The following TNFAIP8 variants were observed in gnomAD, a reference collection of about 807,000 sequenced individuals.
The protein encoded by TNFAIP8 is tumor necrosis factor alpha-induced protein 8.
TNFAIP8 carries 7 observed loss-of-function variants against 13.3 expected under a neutral mutation model. The ratio of observed to expected loss-of-function variants is 0.52; its 90% CI spans 0.30 to 0.99. The LOEUF is 0.99. TNFAIP8 is among the 50% of genes least tolerant of loss of function. The pLI, the probability that TNFAIP8 is intolerant of heterozygous loss-of-function variation, is 0.07. For synonymous variants in TNFAIP8, 94 were observed against 87.6 expected, an observed-to-expected ratio of 1.07 and a Z score of -0.41; for missense variants, 258 against 236.9, an observed-to-expected ratio of 1.09 and a Z score of -0.58.
At chr5:119,359,893 C>T (rs568682423) in intron 1 of TNFAIP8, among the ~76,000 whole-genome samples, 11 of 152,296 alleles carry the variant, frequency 7.2e-5, no homozygotes, top group East Asian at 5.8e-4. Flanking sequence ...CGGACTTTGA[C>T]GTGCTTATCT....
At chr5:119,345,596 G>T (rs1381998940) in intron 1 of TNFAIP8, among the ~76,000 whole-genome samples, 1 of 152,230 alleles carries the variant, frequency 6.6e-6, no homozygotes, top group Non-Finnish European at 1.5e-5. Context: ...AGTGAGATAA[G>T]CCATCACAAA....
At chr5:119,346,817 G>C (rs1283922467) in intron 1 of TNFAIP8, among the ~76,000 whole-genome samples, 1 of 152,216 alleles carries the variant, frequency 6.6e-6, no homozygotes, top group African/African-American at 2.4e-5. Context: ...GTAGTGCCCT[G>C]AGGTACACTG....
upstream of TNFAIP8, chr5:119,355,854 C>T (rs1007980131): frequency 2.7e-5 from 30 of 1,098,084 alleles, no homozygotes; most frequent in African/African-American, 4.7e-4. Flanking sequence ...CCCGAGCGCG[C>T]GGCTCCGGGG....
At chr5:119,296,093 C>G (rs1231380608) in intron 1 of TNFAIP8, among the ~76,000 whole-genome samples, 2 of 149,176 alleles carry the variant, frequency 1.3e-5, no homozygotes, top group African/African-American at 2.5e-5. Context: ...TTGACTTCCT[C>G]TTTTCCTAAT....
chr5:119,292,727 A>G (rs1378527820), intron 1 of TNFAIP8, among the ~76,000 whole-genome samples: 1 of 142,790 alleles, frequency 7.0e-6, no homozygotes, highest in African/African-American at 2.5e-5. Flanking sequence ...ATAAAAAAGA[A>G]CAAAGTACTG....
intron 1 of TNFAIP8, among the ~76,000 whole-genome samples, chr5:119,382,196 A>G (rs1479149620): frequency 6.6e-6 from 1 of 152,150 alleles, no homozygotes; most frequent in Non-Finnish European, 1.5e-5. Context: ...CTTTTGTGAA[A>G]CTTTCCTCAA....
At chr5:119,370,145 G>C (rs879483037) in intron 1 of TNFAIP8, among the ~76,000 whole-genome samples, 4 of 152,104 alleles carry the variant, frequency 2.6e-5, no homozygotes, top group Non-Finnish European at 5.9e-5. Context: ...CACAGAAGCA[G>C]CTCTCTGTTT....
At chr5:119,312,764 AAAAG>A (rs1749773267) in intron 1 of TNFAIP8, among the ~76,000 whole-genome samples, 1 of 151,602 alleles carries the variant, frequency 6.6e-6, no homozygotes, top group East Asian at 1.9e-4. Context: ...AAAAAAAAAA[AAAAG>A]AATATGAAGA....
chr5:119,314,902 T>A (rs375660469), intron 1 of TNFAIP8, among the ~76,000 whole-genome samples: 359 of 152,292 alleles, frequency 2.4e-3, no homozygotes, highest in African/African-American at 8.4e-3. Context: ...TTATTTATTT[T>A]TTTTCATTAT....
chr5:119,386,389 A>G (rs1219582138), intron 1 of TNFAIP8, among the ~76,000 whole-genome samples: 1 of 152,228 alleles, frequency 6.6e-6, no homozygotes, highest in Non-Finnish European at 1.5e-5. Context: ...TGTATGTAGA[A>G]GAGCCATTTG....
upstream of TNFAIP8, among the ~76,000 whole-genome samples, chr5:119,352,487 C>G (rs1309693837): frequency 6.6e-6 from 1 of 152,134 alleles, no homozygotes; most frequent in Non-Finnish European, 1.5e-5. Flanking sequence ...AGGTCCATAA[C>G]TAGTTTACAG....
chr5:119,337,340 TC>T (rs1352482989), intron 1 of TNFAIP8, among the ~76,000 whole-genome samples: 3 of 152,226 alleles, frequency 2.0e-5, no homozygotes, highest in Non-Finnish European at 4.4e-5. Flanking sequence ...GAGCTTGACA[TC>T]CCACCAGCTT....
chr5:119,292,148 G>A (rs1441038746), intron 1 of TNFAIP8, among the ~76,000 whole-genome samples: 1 of 152,122 alleles, frequency 6.6e-6, no homozygotes, highest in Non-Finnish European at 1.5e-5. Context: ...GGGAGTAGGG[G>A]TGGGAAAGTC....
upstream of TNFAIP8, chr5:119,355,698 C>CT (rs1751369900): frequency 1.7e-5 from 5 of 299,804 alleles, no homozygotes; most frequent in Non-Finnish European, 2.4e-5. Context: ...CTTTTTATAC[C>CT]TTTTTTTCCG....
chr5:119,334,809 T>C (rs1246734932), intron 1 of TNFAIP8, among the ~76,000 whole-genome samples: 1 of 151,968 alleles, frequency 6.6e-6, no homozygotes, highest in African/African-American at 2.4e-5. Context: ...CTGTATGTCA[T>C]TGCATATATA....
chr5:119,333,625 A>T (rs1326097664), intron 1 of TNFAIP8: 1 of 1,535,210 alleles, frequency 6.5e-7, no homozygotes, highest in Non-Finnish European at 8.7e-7. Flanking sequence ...GAAAATGCTG[A>T]AACTAGGTGA....
chr5:119,366,088 AG>A (rs370548525), intron 1 of TNFAIP8, among the ~76,000 whole-genome samples: 240 of 151,854 alleles, frequency 1.6e-3, no homozygotes, highest in African/African-American at 5.4e-3. Flanking sequence ...AGAGCCTCCG[AG>A]GGAAGAAGTA....
intron 1 of TNFAIP8, among the ~76,000 whole-genome samples, chr5:119,325,666 T>G (rs553613055): frequency 1.3e-3 from 192 of 152,318 alleles, no homozygotes; most frequent in Middle Eastern, 6.8e-3. Flanking sequence ...GCCAGGATGG[T>G]CTTGATCTCC....
At position 119,341,705 on chromosome 5, in the gene TNFAIP8, T is replaced by A. The variant is rs182578940; in HGVS notation, c.2-51111T>A. 3.6e-4 allele frequency among the ~76,000 whole-genome samples: 55 copies of A among 151,220 alleles called. 1 individual carries two copies. The highest frequency in any genetic ancestry group is 2.2e-3 in the Admixed American group (34 of 15,180). On this transcript the variant is annotated intron_variant, in intron 1 of 1. Transcript: ENST00000274456. The stretch of plus-strand genomic sequence containing the variant: ...AGAAATCATATCTTCACGGAAGTCA[T>A]TTTTTTTTGGTTCCTGGCCTTTAGG...
Sources: gnomAD v4.1 joint callset for allele counts (sites outside exome capture counted in the v4.1 genomes callset) on GRCh38, gnomAD v4.1.1 for gene constraint, MANE v1.5 for transcripts, NCBI Gene and HGNC (gene_info 2026-07-23, HGNC 2026-07-21) for gene names.